STON1: variants seen among roughly 807,000 people sequenced by gnomAD.
STON1 encodes the protein stonin-1.
In STON1, 79 loss-of-function variants were observed where a neutral mutation model predicts 60.9. The observed-to-expected ratio is 1.30, with a 90% CI of 1.08 to 1.56. The LOEUF is 1.56. Ranked by LOEUF, STON1 falls within the 40% of genes most tolerant of loss-of-function variation. STON1 has a pLI of 0.00. For synonymous variants in STON1, 363 were observed against 306.9 expected, an observed-to-expected ratio of 1.18 and a Z score of -1.91; for missense variants, 1,166 against 858.9, an observed-to-expected ratio of 1.36 and a Z score of -4.47.
rs1249512143 is a variant in STON1 at position 48,564,582 on chromosome 2, C to CT, written c.-47-16004dup. On this transcript the variant is annotated intron_variant, in intron 1 of 3. Coordinates refer to ENST00000404752, the MANE Select transcript of STON1 (RefSeq NM_006873.4). ...TCTTCTTCTTCTCCTTCTCCTTCTC[C>CT]TCCTCCTCCTCCTCCTCCTCCTTCT... Among the ~76,000 whole-genome samples the CT allele has an allele frequency of 2.7e-3, 153 of 57,726 alleles. 39 individuals carry two copies. Among genetic ancestry groups the CT allele is most frequent in the African/African-American group, 7.8e-3 (132 of 16,940 alleles). 37.9% of individuals were successfully genotyped at this position (57,726 alleles called of 152,430 possible).
chr2:48,589,387 A>G (rs1466913019), intron 2 of STON1, among the ~76,000 whole-genome samples: 1 of 152,216 alleles, frequency 6.6e-6, no homozygotes, highest in Non-Finnish European at 1.5e-5. Context: ...CACTGCGACA[A>G]CACGATTTTC....
rs561234734 is a variant in STON1, at chr2:48,585,517, G to C, written c.1930+2954G>C. On this transcript the variant is annotated intron_variant, in intron 2 of 3. Coordinates refer to ENST00000404752, the MANE Select transcript of STON1 (RefSeq NM_006873.4). ...ACCCGCCTCGGCCTCCCAAAGTGCT[G>C]GGATTAGAGGTTTGAGCCACCGTGC... Among the ~76,000 whole-genome samples the C allele has an allele frequency of 1.1e-4, 16 of 152,204 alleles. No individual in the cohort carries two copies. The South Asian group carries it at 3.3e-3, about 32-fold the overall frequency.
chr2:48,564,270 G>T (rs1672730764), intron 1 of STON1, among the ~76,000 whole-genome samples: 1 of 152,088 alleles, frequency 6.6e-6, no homozygotes, highest in African/African-American at 2.4e-5. Flanking sequence ...ATTTCTCACA[G>T]TTCCAGAGGC....
At chr2:48,541,841 G>GC (rs989503588) in intron 1 of STON1, among the ~76,000 whole-genome samples, 1 of 152,056 alleles carries the variant, frequency 6.6e-6, no homozygotes, top group African/African-American at 2.4e-5. Flanking sequence ...AATACCGTGT[G>GC]CCACTGCCAC....
chr2:48,586,009 A>G (rs1442789572), intron 2 of STON1, among the ~76,000 whole-genome samples: 5 of 152,246 alleles, frequency 3.3e-5, no homozygotes, highest in Admixed American at 3.3e-4. Context: ...CTCCCTTTGT[A>G]GTCCATTCCT....
chr2:48,533,204 A>G (rs954039957), intron 1 of STON1, among the ~76,000 whole-genome samples: 2 of 152,086 alleles, frequency 1.3e-5, no homozygotes, highest in African/African-American at 4.8e-5. Flanking sequence ...CAACATAGTG[A>G]AACCCCGTCT....
chr2:48,595,141 G>C, intron 3 of STON1, 87 bp from the exon 4 acceptor site: 1 of 1,041,130 alleles, frequency 9.6e-7, no homozygotes, highest in South Asian at 1.3e-5. Context: ...TGTGCAGTCT[G>C]TGCCACATGT....
At chr2:48,578,851 A>G (rs1424964818) in intron 1 of STON1, among the ~76,000 whole-genome samples, 1 of 151,818 alleles carries the variant, frequency 6.6e-6, no homozygotes, top group Non-Finnish European at 1.5e-5. Context: ...TTGGCCTCCC[A>G]AAGTGCTGGG....
intron 1 of STON1, among the ~76,000 whole-genome samples, chr2:48,578,035 C>T (rs1269786420): frequency 4.6e-5 from 7 of 152,126 alleles, no homozygotes; most frequent in Admixed American, 2.0e-4. Context: ...GGCTGAAGTG[C>T]AGTGACACAA....
intron 1 of STON1, among the ~76,000 whole-genome samples, chr2:48,536,274 G>A (rs1438095608): frequency 2.0e-5 from 3 of 151,814 alleles, no homozygotes; most frequent in Non-Finnish European, 4.4e-5. Context: ...TACGCCAGGT[G>A]TGGTGGCTCA....
rs184711660 is a variant in STON1 at position 48,584,551 on chromosome 2, A to T, written c.1930+1988A>T. 1.6e-4 allele frequency among the ~76,000 whole-genome samples: 25 copies of T among 152,046 alleles called. No homozygotes were observed. In the East Asian group the frequency reaches 4.6e-3, roughly 28 times the overall value. On this transcript the variant is annotated intron_variant, in intron 2 of 3. Transcript: ENST00000404752. ...CCAAAGTGTTGGGATTACAGGTGTG[A>T]GCCACCATGCCTGGCCAAACCTGAC...
chr2:48,585,350 C>T (rs1477119575), intron 2 of STON1, among the ~76,000 whole-genome samples: 1 of 151,976 alleles, frequency 6.6e-6, no homozygotes. Flanking sequence ...TGGGTTCAAG[C>T]AATTCTAGTG....
chr2:48,560,956 C>A (rs182503806), intron 1 of STON1, among the ~76,000 whole-genome samples: 5 of 152,322 alleles, frequency 3.3e-5, no homozygotes, highest in Admixed American at 3.3e-4. Flanking sequence ...CATGAGGGAA[C>A]TTTTCTGCCT....
intron 1 of STON1, among the ~76,000 whole-genome samples, chr2:48,538,771 T>A (rs1572923806): frequency 1.4e-5 from 2 of 147,980 alleles, no homozygotes; most frequent in East Asian, 2.0e-4. Flanking sequence ...CTATTTTTTT[T>A]TTTTTTTTTT....
In STON1 at chr2:48,578,707, C is replaced by T. The variant is rs1370808785; in HGVS notation, c.-47-1880C>T. On this transcript the variant is annotated intron_variant, in intron 1 of 3. Coordinates refer to ENST00000404752, the MANE Select transcript of STON1 (RefSeq NM_006873.4). ...AGGTTCAAGCAATTCTCCTGCCCAC[C>T]ACCATGCCTGGCTAATTTTTGGGCA... Among the ~76,000 whole-genome samples, 5 of 151,024 alleles carry T rather than the reference C, an allele frequency of 3.3e-5. No individual in the cohort carries two copies. In the Admixed American group the frequency reaches 3.3e-4, roughly 10 times the overall value.
intron 1 of STON1, among the ~76,000 whole-genome samples, chr2:48,570,853 T>G (rs1003952439): frequency 2.2e-5 from 3 of 138,398 alleles, no homozygotes; most frequent in Non-Finnish European, 3.1e-5. Flanking sequence ...GTTTTTTTTT[T>G]TTTTTTTTTT....
intron 2 of STON1, among the ~76,000 whole-genome samples, chr2:48,587,352 G>C (rs1243021551): frequency 6.6e-6 from 1 of 152,120 alleles, no homozygotes; most frequent in Non-Finnish European, 1.5e-5. Context: ...GAGTGCAATG[G>C]CACCATCTTG....
chr2:48,563,670 C>CT (rs550156629), intron 1 of STON1, among the ~76,000 whole-genome samples: 108 of 146,608 alleles, frequency 7.4e-4, no homozygotes, highest in African/African-American at 2.2e-3. Context: ...CTCCACGTGG[C>CT]TTTTTTTGTT....
chr2:48,581,397 C>A lies in STON1; in HGVS notation c.764C>A (p.Ala255Asp). 1 of 1,607,930 alleles carries A rather than the reference C, an allele frequency of 6.2e-7. No individual in the cohort carries two copies. The highest frequency in any genetic ancestry group is 8.5e-7 in the Non-Finnish European group (1 of 1,176,500). The change falls in exon 2 of 4, where the codon GCT (alanine) becomes GAT (aspartate). Residue 255 changes from alanine to aspartate, a missense_variant. Physicochemically the swap from Ala to Asp is moderately radical, Grantham distance 126. Coordinates refer to ENST00000404752, the MANE Select transcript of STON1 (RefSeq NM_006873.4). Reference sequence around the variant, plus strand: ...AGTTTGTCTATGCACTGTCTATGTGCTGAAGAAAATGCCTCTTCCTTTGTC... The same window carrying A: ...AGTTTGTCTATGCACTGTCTATGTGATGAAGAAAATGCCTCTTCCTTTGTC... ...LRSLSMHCLCAEENASSFVPH... is the reference protein window; with the variant it reads ...LRSLSMHCLCDEENASSFVPH...
Sources: allele counts gnomAD v4.1 joint callset (sites outside exome capture counted in the v4.1 genomes callset), GRCh38; gene constraint gnomAD v4.1.1; transcripts MANE v1.5; gene names NCBI Gene and HGNC (gene_info 2026-07-23, HGNC 2026-07-21).